Variants in SLC1A3 observed in about 807,000 individuals in gnomAD.
SLC1A3 encodes the protein solute carrier family 1 member 3.
In SLC1A3, 21 loss-of-function variants were observed where a neutral mutation model predicts 48.1. The observed-to-expected ratio is 0.44, with a 90% CI of 0.31 to 0.63. SLC1A3 has a LOEUF of 0.63. Ranked by LOEUF, SLC1A3 falls within the 20% of genes least tolerant of loss-of-function variation. The pLI is 0.08. For synonymous variants in SLC1A3, 239 were observed against 251.4 expected (o/e 0.95, Z 0.47); for missense variants, 546 against 689.0 (o/e 0.79, Z 2.32).
intron 8 of SLC1A3, 121 bp downstream of exon 8, chr5:36,680,710 G>A (rs1742408148): frequency 2.4e-6 from 2 of 817,018 alleles, no homozygotes; most frequent in Non-Finnish European, 4.2e-6. Context: ...CTGAGGCCAG[G>A]AGTTCAAGAC....
At chr5:36,656,034 G>T (rs1741271316) in intron 3 of SLC1A3, among the ~76,000 whole-genome samples, 1 of 152,138 alleles carries the variant, frequency 6.6e-6, no homozygotes, top group Admixed American at 6.5e-5. Flanking sequence ...GAACATTGGT[G>T]TTGCAGTAAA....
At chr5:36,663,080 C>T (rs1741581835) in intron 3 of SLC1A3, among the ~76,000 whole-genome samples, 1 of 152,150 alleles carries the variant, frequency 6.6e-6, no homozygotes, top group Non-Finnish European at 1.5e-5. Context: ...CCTATCAGAC[C>T]GAGGATACAG....
Position 36,608,496 on chromosome 5 carries a change from C to T in SLC1A3, c.73C>T (p.Arg25Cys), listed in dbSNP as rs1264331837. 4 of 1,613,912 alleles carry T rather than the reference C, an allele frequency of 2.5e-6. No individual in the cohort carries two copies. The highest frequency in any genetic ancestry group is 2.2e-5 in the East Asian group (1 of 44,878). The change falls in exon 2 of 10, where the codon CGC becomes TGC. Residue 25 changes from arginine to cysteine, a missense_variant. By Grantham distance (180) the Arg-to-Cys change is radical. Around this residue, in one of 3 missense-constraint regions of SLC1A3, gnomAD observed 348 missense variants for 392.0 expected, o/e 0.89. Transcript: ENST00000265113. ...GAGATTCCAGCAGGGAGTCCGTAAA[C>T]GCACACTTTTGGCCAAGAAGAAAGT... ...MERFQQGVRK[R>C]TLLAKKKVQN...
At chr5:36,657,671 AAC>A (rs1241805473) in intron 3 of SLC1A3, among the ~76,000 whole-genome samples, 1 of 152,262 alleles carries the variant, frequency 6.6e-6, no homozygotes, top group East Asian at 1.9e-4. Context: ...GATGGAAACC[AAC>A]ATGATGAAGT....
At chr5:36,630,935 A>G (rs1740110691) in intron 3 of SLC1A3, among the ~76,000 whole-genome samples, 1 of 152,234 alleles carries the variant, frequency 6.6e-6, no homozygotes, top group South Asian at 2.1e-4. Flanking sequence ...CACAGCAGCT[A>G]CAGTTCTTAC....
rs1237422265 is a variant in SLC1A3 at position 36,686,755 on chromosome 5, A to G, written c.*486A>G. On this transcript the variant is annotated 3_prime_UTR_variant, in exon 10 of 10. Transcript: ENST00000265113. The stretch of plus-strand genomic sequence containing the variant: ...TATCCCTTTCTCTTCTGACTGGTAT[A>G]CCTATTTCATTAGTAGCTAGGTGCA... 1 of 230,594 alleles carries G rather than the reference A, an allele frequency of 4.3e-6. No individual in the cohort carries two copies. Among genetic ancestry groups the G allele is most frequent in the African/African-American group, 2.4e-5 (1 of 42,392 alleles). 14.3% of individuals were successfully genotyped at this position (230,594 alleles called of 1,614,324 possible).
At chr5:36,679,278 T>C (rs1742334819) in intron 6 of SLC1A3, among the ~76,000 whole-genome samples, 1 of 151,976 alleles carries the variant, frequency 6.6e-6, no homozygotes, top group African/African-American at 2.4e-5. Flanking sequence ...GTGACCCCCA[T>C]GTAGTGAAAG....
chr5:36,608,968 T>TAAAACTATTTTATACAATTTATAC, intron 2 of SLC1A3: 1 of 1,014,922 alleles, frequency 9.9e-7, no homozygotes, highest in South Asian at 4.2e-5. Context: ...CAGTTGCACT[T>TAAAACTATTTTATACAATTTATAC]AAAACTAATT....
At chr5:36,670,340 T>C (rs1052120113) in intron 3 of SLC1A3, among the ~76,000 whole-genome samples, 1 of 152,144 alleles carries the variant, frequency 6.6e-6, no homozygotes, top group African/African-American at 2.4e-5. Context: ...GGTACAAGAA[T>C]GAGAACTGTG....
At chr5:36,637,362 G>A (rs1169820165) in intron 3 of SLC1A3, among the ~76,000 whole-genome samples, 1 of 152,208 alleles carries the variant, frequency 6.6e-6, no homozygotes, top group Non-Finnish European at 1.5e-5. Flanking sequence ...TCAATTAAAA[G>A]ATCAGTAATA....
intron 2 of SLC1A3, among the ~76,000 whole-genome samples, chr5:36,616,321 A>G (rs1229908525): frequency 1.3e-5 from 2 of 152,216 alleles, no homozygotes; most frequent in Non-Finnish European, 2.9e-5. Context: ...GTTTGAAACC[A>G]AAAAGAGAAA....
At chr5:36,663,831 C>T (rs955044680) in intron 3 of SLC1A3, among the ~76,000 whole-genome samples, 9 of 152,212 alleles carry the variant, frequency 5.9e-5, no homozygotes, top group Non-Finnish European at 1.2e-4. Flanking sequence ...TCTGCAAAAT[C>T]GTTCTCCGCT....
upstream of SLC1A3, chr5:36,606,293 T>G (rs1738937325): frequency 1.3e-5 from 2 of 152,250 alleles, no homozygotes. Context: ...GGTAATTAAA[T>G]TTAGCCTTAG....
At chr5:36,612,750 A>G (rs552510575) in intron 2 of SLC1A3, 2 of 455,704 alleles carry the variant, frequency 4.4e-6, no homozygotes, top group South Asian at 1.6e-5. Flanking sequence ...GTACAGATGA[A>G]AAAACTGAAG....
rs193076918 is a variant in SLC1A3, at chr5:36,653,155, G to A, written c.320-17874G>A. ...AATGAATAAGTTAGCATGTAAATTT[G>A]CAATGTGGAAACTGCATCCCCTGCC... On this transcript the variant is annotated intron_variant, in intron 3 of 9. Coordinates refer to ENST00000265113, the MANE Select transcript of SLC1A3 (RefSeq NM_004172.5). Among the ~76,000 whole-genome samples, 290 of 152,252 alleles carry A rather than the reference G, an allele frequency of 1.9e-3. 4 individuals carry two copies. The highest frequency in any genetic ancestry group is 6.6e-3 in the African/African-American group (275 of 41,550).
At chr5:36,654,539 A>T (rs1211144953) in intron 3 of SLC1A3, among the ~76,000 whole-genome samples, 1 of 152,248 alleles carries the variant, frequency 6.6e-6, no homozygotes, top group South Asian at 2.1e-4. Flanking sequence ...CAGACTCCAT[A>T]AGACTGTGGA....
rs1344843510 is a variant in SLC1A3 at position 36,608,342 on chromosome 5, T to C, written c.-82T>C. 2.2e-5 allele frequency: 29 copies of C among 1,299,200 alleles called. No homozygotes were observed. The East Asian group carries it at 6.3e-4, about 28-fold the overall frequency. 80.5% of individuals were successfully genotyped at this position (1,299,200 alleles called of 1,614,324 possible). On this transcript the variant is annotated 5_prime_UTR_variant, in exon 2 of 10. Transcript: ENST00000265113. ...CTCCCATTCTAGTTGTGTTTTCTAA[T>C]ACCAAAGAGGAGGTTTGGCTTTCTG...
intron 3 of SLC1A3, among the ~76,000 whole-genome samples, chr5:36,662,706 G>A (rs970362509): frequency 6.6e-6 from 1 of 152,222 alleles, no homozygotes; most frequent in Non-Finnish European, 1.5e-5. Flanking sequence ...GAATTTCGGA[G>A]CTGCCCCTTC....
At chr5:36,677,962 T>C (rs996243176) in intron 6 of SLC1A3, among the ~76,000 whole-genome samples, 2 of 152,190 alleles carry the variant, frequency 1.3e-5, no homozygotes, top group African/African-American at 2.4e-5. Flanking sequence ...ATAACAAAAT[T>C]TGCTTTAATA....
Sources: gnomAD v4.1 joint callset for allele counts (sites outside exome capture counted in the v4.1 genomes callset) on GRCh38, gnomAD v4.1.1 for gene constraint, gnomAD v4.1.1 regional missense constraint, MANE v1.5 for transcripts, NCBI Gene and HGNC (gene_info 2026-07-23, HGNC 2026-07-21) for gene names.